The following TCN1 variants were observed in gnomAD, a reference collection of about 807,000 sequenced individuals.
TCN1 encodes the protein transcobalamin-1.
A neutral mutation model predicts 46.3 loss-of-function variants in TCN1; 47 were observed. The ratio of observed to expected loss-of-function variants is 1.01; its 90% CI spans 0.80 to 1.29. The LOEUF is 1.29. TCN1 is among the 50% of genes most tolerant of loss of function. The pLI is 0.00. For synonymous variants in TCN1, 183 were observed against 192.5 expected, an observed-to-expected ratio of 0.95 and a Z score of 0.41; for missense variants, 532 against 511.0, an observed-to-expected ratio of 1.04 and a Z score of -0.40.
intron 5 of TCN1, 28 bp from the exon 6 acceptor site, chr11:59,856,086 T>TGGGGGGGGGGGGGGGGA: frequency 1.7e-6 from 1 of 574,088 alleles, no homozygotes; most frequent in Non-Finnish European, 3.3e-6. Flanking sequence ...GGTGGGGGGG[T>TGGGGGGGGGGGGGGGGA]GATGAGAGAT....
In TCN1 at chr11:59,854,759, G is replaced by A. The variant is rs1852911951; in HGVS notation, c.1014C>T (p.Tyr338=). The A allele has an allele frequency of 6.2e-7, 1 of 1,614,034 alleles. No homozygotes were observed. The highest frequency in any genetic ancestry group is 8.5e-7 in the Non-Finnish European group (1 of 1,179,936). ...PDSQSYISVN[Y]SVRINETYFT... Reference sequence around the variant, plus strand: ...AATATGTTTCATTGATTCTCACAGAGTAATTGACGGAGATATATGATTGTG... The same window carrying A: ...AATATGTTTCATTGATTCTCACAGAATAATTGACGGAGATATATGATTGTG... Residue 338 remains tyrosine (Y), a synonymous_variant, in exon 7 of 9, where the codon TAC becomes TAT. Transcript: ENST00000257264.
At chr11:59,854,250 C>T (rs569384128) in intron 7 of TCN1, among the ~76,000 whole-genome samples, 23 of 151,400 alleles carry the variant, frequency 1.5e-4, no homozygotes, top group Non-Finnish European at 3.1e-4. Flanking sequence ...AAACAAATGC[C>T]AATTTTTGTG....
At chr11:59,856,559 G>A (rs1038491790) in intron 5 of TCN1, among the ~76,000 whole-genome samples, 1 of 152,056 alleles carries the variant, frequency 6.6e-6, no homozygotes. Context: ...GTAGGATAGA[G>A]CACTCAAGAG....
At position 59,861,556 on chromosome 11, in the gene TCN1, T is replaced by G; in HGVS notation, c.527A>C (p.Asn176Thr). 1 of 1,613,972 alleles carries G rather than the reference T, an allele frequency of 6.2e-7. No homozygotes were observed. The highest frequency in any genetic ancestry group is 8.5e-7 in the Non-Finnish European group (1 of 1,179,952). Reference sequence around the variant, plus strand: ...TGAGAACTGGCTACCAAAATAATAGTTTTTATTTTCAGGAGTGAAGTGGTT... The same window carrying G: ...TGAGAACTGGCTACCAAAATAATAGGTTTTATTTTCAGGAGTGAAGTGGTT... ...VVNHFTPENK[N>T]YYFGSQFSVD... Residue 176 changes from asparagine (N) to threonine (T), a missense_variant, in exon 4 of 9, where the codon AAC becomes ACC. Coordinates refer to ENST00000257264, the MANE Select transcript of TCN1 (RefSeq NM_001062.4).
rs1462466776 is a variant in TCN1 at position 59,852,809 on chromosome 11, A to T, written c.*166T>A. The stretch of plus-strand genomic sequence containing the variant: ...ACTAATTAGAACATGCTCTTTTTGT[A>T]TAGTTGTTAATCTTTCAACAACTTT... On this transcript the variant is annotated 3_prime_UTR_variant, in exon 9 of 9. Transcript: ENST00000257264. The T allele has an allele frequency of 2.7e-6, 2 of 734,476 alleles. No individual in the cohort carries two copies. Among genetic ancestry groups the T allele is most frequent in the Admixed American group, 4.1e-5 (2 of 49,162 alleles). The allele number at this position is 734,476 out of a possible 1,614,324, so 45.5% of individuals were successfully genotyped here. A position where few individuals can be genotyped will look rare whatever the true frequency, so the allele number is the denominator to read the frequency against.
At chr11:59,854,618 A>G (rs1852906309) in intron 7 of TCN1, 34 bp downstream of exon 7, 6 of 1,605,804 alleles carry the variant, frequency 3.7e-6, no homozygotes, top group Non-Finnish European at 5.1e-6. Context: ...AAATGACAGC[A>G]AACATCTTAA....
intron 5 of TCN1, 27 bp from the exon 6 acceptor site, chr11:59,856,085 G>GGGGGGGGGGA: frequency 1.7e-6 from 1 of 585,328 alleles, no homozygotes; most frequent in Non-Finnish European, 3.2e-6. Flanking sequence ...GGGTGGGGGG[G>GGGGGGGGGGA]TGATGAGAGA....
At chr11:59,858,985 C>T in intron 5 of TCN1, 92 bp downstream of exon 5, 3 of 1,439,886 alleles carry the variant, frequency 2.1e-6, no homozygotes, top group East Asian at 4.6e-5. Flanking sequence ...GCCTGGGCAA[C>T]AAGAGCGAAG....
At chr11:59,864,116 C>T in intron 1 of TCN1, 30 bp from the exon 2 acceptor site, 3 of 1,609,088 alleles carry the variant, frequency 1.9e-6, no homozygotes, top group Non-Finnish European at 2.6e-6. Context: ...AAATAAGAAA[C>T]ACATACTCAG....
At chr11:59,854,571 G>T in intron 7 of TCN1, 81 bp downstream of exon 7, 2 of 1,437,392 alleles carry the variant, frequency 1.4e-6, no homozygotes, top group Non-Finnish European at 1.9e-6. Flanking sequence ...AATATACTTT[G>T]TATTTAGGTG....
In TCN1 at chr11:59,855,984, C is replaced by T. The variant is rs147802130; in HGVS notation, c.822G>A (p.Thr274=). The part of the protein sequence containing the change: ...NCQQTLNTVL[T]EISQGAFSNP... ...TGCTGAATGCTCCTTGAGAAATTTC[C>T]GTGAGCACTGTATTCAGAGTTTGTT... The change falls in exon 6 of 9, where the codon ACG becomes ACA. Residue 274 remains threonine (T), a synonymous_variant. Transcript: ENST00000257264. 7.6e-6 allele frequency: 12 copies of T among 1,580,592 alleles called. No individual in the cohort carries two copies. The highest frequency in any genetic ancestry group is 2.2e-5 in the South Asian group (2 of 90,568).
intron 6 of TCN1, among the ~76,000 whole-genome samples, 166 bp downstream of exon 6, chr11:59,855,703 G>C (rs144634255): frequency 6.6e-6 from 1 of 152,282 alleles, no homozygotes; most frequent in Non-Finnish European, 1.5e-5. Context: ...CAAATCCTCA[G>C]GTGACTGTAA....
intron 7 of TCN1, 25 bp from the exon 8 acceptor site, chr11:59,853,346 C>A: frequency 6.2e-7 from 1 of 1,601,684 alleles, no homozygotes; most frequent in Non-Finnish European, 8.6e-7. Context: ...AAGTAGGTTA[C>A]TGGAACTTAG....
At chr11:59,863,408 A>T (rs555101838) in intron 2 of TCN1, among the ~76,000 whole-genome samples, 1 of 152,218 alleles carries the variant, frequency 6.6e-6, no homozygotes, top group African/African-American at 2.4e-5. Context: ...CTTTTAGAGT[A>T]TCCAAACTCT....
chr11:59,857,595 A>G (rs569484324), intron 5 of TCN1, among the ~76,000 whole-genome samples: 25 of 151,984 alleles, frequency 1.6e-4, no homozygotes, highest in Non-Finnish European at 3.2e-4. Flanking sequence ...CTCTCCCTTG[A>G]AAGTCCTCTA....
intron 5 of TCN1, among the ~76,000 whole-genome samples, chr11:59,856,417 AG>A (rs1057163337): frequency 6.6e-6 from 1 of 152,114 alleles, no homozygotes; most frequent in African/African-American, 2.4e-5. Context: ...AGGAGTTGCC[AG>A]AGGAATGCCC....
chr11:59,865,981 A>G (rs1853069111), intron 1 of TCN1, among the ~76,000 whole-genome samples: 1 of 152,190 alleles, frequency 6.6e-6, no homozygotes, highest in African/African-American at 2.4e-5. Context: ...CTATGTAGTT[A>G]CAAGGGGTTA....
intron 6 of TCN1, 24 bp from the exon 7 acceptor site, chr11:59,854,859 A>G: frequency 6.2e-7 from 1 of 1,613,584 alleles, no homozygotes; most frequent in East Asian, 2.2e-5. Flanking sequence ...AAAAGCCCAG[A>G]GCAATATTCA....
chr11:59,853,087 C>T (rs772976138), intron 8 of TCN1, 51 bp from the exon 9 acceptor site: 3 of 1,605,334 alleles, frequency 1.9e-6, no homozygotes, highest in African/African-American at 2.7e-5. Context: ...GCCACTAAAT[C>T]ACCAAATAAT....
Sources: gnomAD v4.1 joint callset for allele counts (sites outside exome capture counted in the v4.1 genomes callset) on GRCh38, gnomAD v4.1.1 for gene constraint, MANE v1.5 for transcripts, NCBI Gene and HGNC (gene_info 2026-07-23, HGNC 2026-07-21) for gene names.